Variants in PRICKLE2 observed in about 807,000 individuals in gnomAD.
The protein encoded by PRICKLE2 is prickle planar cell polarity protein 2, also known as prickle-like protein 2.
A neutral mutation model predicts 81.4 loss-of-function variants in PRICKLE2; 21 were observed. That is an observed-to-expected ratio of 0.26 (90% CI 0.18 to 0.37). PRICKLE2 has a LOEUF of 0.37. PRICKLE2 is among the 10% of genes least tolerant of loss of function. The pLI, the probability that PRICKLE2 is intolerant of heterozygous loss-of-function variation, is 1.00. For missense variants in PRICKLE2, 940 were observed against 1,109.0 expected (o/e 0.85, Z 2.16); for synonymous variants, 456 against 421.5 (o/e 1.08, Z -1.00).
intron 7 of PRICKLE2, chr3:64,105,749 A>G (rs1413883746): frequency 4.6e-5 from 7 of 152,172 alleles, no homozygotes; most frequent in African/African-American, 1.7e-4. Flanking sequence ...ATGGAACTGT[A>G]CTGTCACAGG....
intron 2 of PRICKLE2, among the ~76,000 whole-genome samples, chr3:64,257,962 C>T (rs1233199268): frequency 6.6e-6 from 1 of 152,140 alleles, no homozygotes; most frequent in Non-Finnish European, 1.5e-5. Context: ...TGTGTGAAGA[C>T]ACAGCAATAA....
At chr3:64,137,633 G>T (rs1302448676) in intron 7 of PRICKLE2, among the ~76,000 whole-genome samples, 1 of 152,246 alleles carries the variant, frequency 6.6e-6, no homozygotes, top group African/African-American at 2.4e-5. Context: ...GCCTGCTCTG[G>T]GCTGAGCTCT....
intron 7 of PRICKLE2, chr3:64,145,849 C>G (rs1237496887): frequency 6.6e-6 from 1 of 151,924 alleles, no homozygotes; most frequent in Non-Finnish European, 1.5e-5. Context: ...AAGGGGCAAA[C>G]AAGTTCCCTT....
intron 1 of PRICKLE2, among the ~76,000 whole-genome samples, chr3:64,201,331 A>C (rs1385423104): frequency 6.6e-6 from 1 of 152,198 alleles, no homozygotes; most frequent in East Asian, 1.9e-4. Flanking sequence ...TGTTTTCACA[A>C]AATATCTGTA....
intron 7 of PRICKLE2, among the ~76,000 whole-genome samples, chr3:64,105,082 C>T (rs2076733776): frequency 6.6e-6 from 1 of 152,134 alleles, no homozygotes; most frequent in African/African-American, 2.4e-5. Context: ...TTACATTCCT[C>T]CCTGTCTCCC....
intron 2 of PRICKLE2, among the ~76,000 whole-genome samples, chr3:64,258,966 T>G (rs1158406191): frequency 6.6e-6 from 1 of 152,074 alleles, no homozygotes; most frequent in African/African-American, 2.4e-5. Context: ...ATTTTATTTC[T>G]TGATTCTGTG....
chr3:64,179,011 C>A (rs1226382686), intron 2 of PRICKLE2, among the ~76,000 whole-genome samples: 4 of 145,114 alleles, frequency 2.8e-5, no homozygotes, highest in African/African-American at 1.0e-4. Context: ...TTCTTTCTTT[C>A]TTTCTTTCTT....
At chr3:64,246,426 C>T (rs1311015926) in intron 2 of PRICKLE2, among the ~76,000 whole-genome samples, 1 of 152,164 alleles carries the variant, frequency 6.6e-6, no homozygotes, top group Non-Finnish European at 1.5e-5. Context: ...AGCACCCCCA[C>T]AACCCTACCT....
chr3:64,130,642 G>A (rs1459042600), intron 7 of PRICKLE2, among the ~76,000 whole-genome samples: 1 of 152,128 alleles, frequency 6.6e-6, no homozygotes, highest in African/African-American at 2.4e-5. Context: ...AACCACCCAC[G>A]AATTATCCCA....
chr3:64,178,589 C>G (rs1470922913), intron 2 of PRICKLE2, among the ~76,000 whole-genome samples: 1 of 152,156 alleles, frequency 6.6e-6, no homozygotes, highest in Non-Finnish European at 1.5e-5. Context: ...TGTAAATAGC[C>G]ATAATCCCTG....
Position 64,093,125 on chromosome 3 carries a change from T to C in PRICKLE2, c.*5926A>G, listed in dbSNP as rs1391885395. On this transcript the variant is annotated 3_prime_UTR_variant, in exon 8 of 8. Coordinates refer to ENST00000638394, the MANE Select transcript of PRICKLE2 (RefSeq NM_198859.4). ...TCAGATAAATGGAATCATACACTTG[T>C]CTTTTTGTGACTGGCTTATCTCACT... The C allele has an allele frequency of 5.6e-6, 1 of 178,104 alleles. No homozygotes were observed. The highest frequency in any genetic ancestry group is 1.6e-4 in the South Asian group (1 of 6,200). 11.0% of individuals were successfully genotyped at this position (178,104 alleles called of 1,614,324 possible).
intron 2 of PRICKLE2, among the ~76,000 whole-genome samples, chr3:64,185,188 T>C (rs1353991003): frequency 1.3e-5 from 2 of 152,144 alleles, no homozygotes; most frequent in Non-Finnish European, 2.9e-5. Flanking sequence ...CTGGATCCAG[T>C]GAGGATGGAG....
At chr3:64,188,225 T>C (rs1035275) in intron 2 of PRICKLE2, among the ~76,000 whole-genome samples, 54,791 of 152,172 alleles carry the variant, frequency 0.36, 11,585 homozygotes, top group Admixed American at 0.46. Context: ...ATGAATTCAC[T>C]TCTTCTCTGT....
In PRICKLE2 at chr3:64,161,390, G is replaced by A. The variant is rs1018158481; in HGVS notation, c.259-1313C>T. On this transcript the variant is annotated intron_variant, in intron 3 of 7. Transcript: ENST00000638394. ...AATTGCTTGGATGATTTGTTACACA[G>A]ATGGTTAGAGGGAAACCTTGGAACT... Among the ~76,000 whole-genome samples, 7 of 152,334 alleles carry A rather than the reference G, an allele frequency of 4.6e-5. No homozygotes were observed. In the East Asian group the frequency reaches 1.3e-3, roughly 29 times the overall value.
Position 64,159,968 on chromosome 3 carries a change from A to T in PRICKLE2, c.368T>A (p.Val123Asp). ...TTCACAAATAGCTCCTGTCATGGTG[A>T]CTGGGAAAGGCCTGACATTCCCGCG... ...LGRGNVRPFP[V>D]TMTGAICEQC... Residue 123 changes from valine to aspartate, a missense_variant, in exon 4 of 8, where the codon GTC becomes GAC. Coordinates refer to ENST00000638394, the MANE Select transcript of PRICKLE2 (RefSeq NM_198859.4). 6.2e-7 allele frequency: 1 copy of T among 1,614,142 alleles called. No individual in the cohort carries two copies. The highest frequency in any genetic ancestry group is 8.5e-7 in the Non-Finnish European group (1 of 1,180,028).
intron 7 of PRICKLE2, among the ~76,000 whole-genome samples, chr3:64,128,260 G>A (rs62249911): frequency 2.3e-4 from 35 of 152,232 alleles, no homozygotes; most frequent in Non-Finnish European, 4.4e-4. Context: ...TACTGGAGCT[G>A]GGAAAGCATA....
intron 2 of PRICKLE2, among the ~76,000 whole-genome samples, chr3:64,179,015 CTTTCTTTCTTTCTTTCT>C (rs2078077628): frequency 7.3e-6 from 1 of 137,582 alleles, no homozygotes; most frequent in Admixed American, 7.4e-5. Context: ...TTCTTTCTTT[CTTTCTTTCTTTCTTTCT>C]TTCTTTTCTT....
Position 64,253,965 on chromosome 3 carries a change from C to T in PRICKLE2, c.129-54998G>A, listed in dbSNP as rs116582505. On this transcript the variant is annotated intron_variant, in intron 2 of 8. Coordinates refer to the PRICKLE2 transcript ENST00000295902. ...CTCTGAAACCTCAACAAAGTCTCCTCGTGAGATGAGTGATTACTAATGTAG... is the reference window on the plus strand; with the variant it reads ...CTCTGAAACCTCAACAAAGTCTCCTTGTGAGATGAGTGATTACTAATGTAG... Among the ~76,000 whole-genome samples, 373 of 152,222 alleles carry T rather than the reference C, an allele frequency of 2.5e-3. 2 individuals are homozygous for T. Among genetic ancestry groups the T allele is most frequent in the African/African-American group, 7.4e-3 (307 of 41,528 alleles).
chr3:64,118,452 C>A (rs371781511), intron 7 of PRICKLE2, among the ~76,000 whole-genome samples: 5 of 152,124 alleles, frequency 3.3e-5, no homozygotes, highest in African/African-American at 1.2e-4. Flanking sequence ...AAGCATCTCA[C>A]AAAGGTCTAA....
Sources: allele counts gnomAD v4.1 joint callset (sites outside exome capture counted in the v4.1 genomes callset), GRCh38; gene constraint gnomAD v4.1.1; transcripts MANE v1.5; gene names NCBI Gene and HGNC (gene_info 2026-07-23, HGNC 2026-07-21).